CDKL5: variants seen among roughly 807,000 people sequenced by gnomAD.
CDKL5 encodes the protein cyclin-dependent kinase-like 5.
In CDKL5, 8 loss-of-function variants were observed where a neutral mutation model predicts 61.7. That is an observed-to-expected ratio of 0.13 (90% CI 0.08 to 0.23). The LOEUF (loss-of-function observed/expected upper bound fraction) is 0.23. CDKL5 is among the 10% of genes least tolerant of loss of function. The pLI is 1.00. For synonymous variants in CDKL5, 275 were observed against 272.3 expected, an observed-to-expected ratio of 1.01 and a Z score of -0.10; for missense variants, 440 against 734.5, an observed-to-expected ratio of 0.60 and a Z score of 4.63.
At chrX:18,534,582 C>T (rs956897752) in intron 3 of CDKL5, among the ~76,000 whole-genome samples, 8 of 111,763 alleles carry the variant, frequency 7.2e-5, no homozygotes, top group African/African-American at 2.6e-4. Flanking sequence ...GTACCTGGCA[C>T]CTAGGAGGCT....
At chrX:18,504,929 T>C (rs1489327803) in intron 1 of CDKL5, among the ~76,000 whole-genome samples, 1 of 97,050 alleles carries the variant, frequency 1.0e-5, no homozygotes, top group African/African-American at 3.9e-5. Context: ...CGAAACTCCG[T>C]CTCAAAAAAA....
chrX:18,443,263 G>A lies in CDKL5; in HGVS notation c.-163+17568G>A, dbSNP rs781694040. Among the ~76,000 whole-genome samples, 5 of 112,100 alleles carry A rather than the reference G, an allele frequency of 4.5e-5. No homozygotes were observed. The East Asian group carries it at 1.4e-3, about 31-fold the overall frequency. On this transcript the variant is annotated intron_variant, in intron 1 of 17. Transcript: ENST00000623535. Reference sequence around the variant, plus strand: ...TGTACTTCACTTTTTCCCTTGAATGGTTGTTGAGCTGGGTCCAGAATTTTG... The same window carrying A: ...TGTACTTCACTTTTTCCCTTGAATGATTGTTGAGCTGGGTCCAGAATTTTG...
At chrX:18,454,849 T>C (rs1210414365) in intron 1 of CDKL5, among the ~76,000 whole-genome samples, 1 of 109,387 alleles carries the variant, frequency 9.1e-6, no homozygotes, top group Non-Finnish European at 1.9e-5. Flanking sequence ...TGCATGGAAA[T>C]GATATAATAT....
Position 18,633,092 on chromosome X carries a change from C to T in CDKL5, c.*4335C>T, listed in dbSNP as rs146748473. 68 of 752,430 alleles carry T rather than the reference C, an allele frequency of 9.0e-5. No homozygotes were observed. The African/African-American group carries it at 1.4e-3, about 16-fold the overall frequency. The allele number at this position is 752,430 out of a possible 1,213,427, so 62.0% of individuals were successfully genotyped here. On this transcript the variant is annotated 3_prime_UTR_variant, in exon 18 of 18. Transcript: ENST00000623535. ...TCAGCTGGGACTCAGTAAATCTGCA[C>T]GTTCTCTGCTGGTCAGAACATGTTT...
At chrX:18,499,733 T>C (rs1922317185) in intron 1 of CDKL5, among the ~76,000 whole-genome samples, 1 of 112,302 alleles carries the variant, frequency 8.9e-6, no homozygotes, top group South Asian at 3.6e-4. Context: ...ATTTATAGGC[T>C]ATCCCTGACC....
chrX:18,614,171 C>G (rs1031035547), intron 15 of CDKL5, among the ~76,000 whole-genome samples: 13 of 111,904 alleles, frequency 1.2e-4, no homozygotes, highest in Non-Finnish European at 2.3e-4. Context: ...TATGTCAGTA[C>G]TCCTGACTCC....
rs148302590 is a variant in CDKL5, at chrX:18,604,040, T to A, written c.1116T>A (p.Ala372=). 4 of 1,209,598 alleles carry A rather than the reference T, an allele frequency of 3.3e-6. No individual in the cohort carries two copies. The African/African-American group carries it at 7.0e-5, about 21-fold the overall frequency. The part of the protein sequence containing the change: ...ANESFLNGNL[A]GASLSPLHTK... Reference sequence around the variant, plus strand: ...AAAGCTTCCTAAATGGAAACCTTGCTGGAGCTAGTCTTAGTCCACTGCACA... The same window carrying A: ...AAAGCTTCCTAAATGGAAACCTTGCAGGAGCTAGTCTTAGTCCACTGCACA... The change falls in exon 12 of 18, where the codon GCT becomes GCA. Residue 372 remains alanine (A), a synonymous_variant. Coordinates refer to ENST00000623535, the MANE Select transcript of CDKL5 (RefSeq NM_001323289.2).
chrX:18,574,371 G>T (rs959332268), intron 4 of CDKL5, among the ~76,000 whole-genome samples: 4 of 111,508 alleles, frequency 3.6e-5, no homozygotes, highest in African/African-American at 1.3e-4. Context: ...CCCAAACTTA[G>T]AAAAAGCTTT....
intron 14 of CDKL5, 97 bp downstream of exon 14, chrX:18,609,667 C>T: frequency 2.6e-6 from 3 of 1,146,934 alleles, no homozygotes; most frequent in Non-Finnish European, 3.5e-6. Context: ...GGCCTTCTCA[C>T]CTACACTGTC....
intron 1 of CDKL5, among the ~76,000 whole-genome samples, chrX:18,481,715 G>T (rs1446810252): frequency 9.1e-6 from 1 of 109,657 alleles, no homozygotes; most frequent in Non-Finnish European, 1.9e-5. Context: ...TAGGTGCTAG[G>T]TGGGTGCTAA....
chrX:18,498,190 A>C (rs1411927885), intron 1 of CDKL5, among the ~76,000 whole-genome samples: 1 of 111,155 alleles, frequency 9.0e-6, no homozygotes, highest in African/African-American at 3.3e-5. Context: ...TTTTTACAAT[A>C]AACACTTCCT....
intron 20 of CDKL5, among the ~76,000 whole-genome samples, chrX:18,648,957 A>G (rs1307009883): frequency 1.9e-5 from 2 of 104,712 alleles, no homozygotes; most frequent in East Asian, 3.2e-4. Context: ...CTGAGGGAGG[A>G]GGATTGCTTG....
chrX:18,541,662 T>C (rs1389420308), intron 3 of CDKL5, among the ~76,000 whole-genome samples: 1 of 110,613 alleles, frequency 9.0e-6, no homozygotes, highest in African/African-American at 3.3e-5. Context: ...TCCCAAGTAG[T>C]TGGGACCACA....
intron 14 of CDKL5, among the ~76,000 whole-genome samples, chrX:18,611,664 C>T (rs1479043509): frequency 1.8e-5 from 2 of 110,517 alleles, no homozygotes; most frequent in Non-Finnish European, 3.8e-5. Flanking sequence ...TCTGGAAACA[C>T]GGTTTTATTT....
rs186787140 is a variant in CDKL5, at chrX:18,499,183, G to T, written c.-162-7752G>T. Among the ~76,000 whole-genome samples the T allele has an allele frequency of 4.4e-3, 490 of 111,463 alleles. 2 individuals are homozygous for T. In the Middle Eastern group the frequency reaches 0.047, roughly 11 times the overall value. On this transcript the variant is annotated intron_variant, in intron 1 of 17. Transcript: ENST00000623535. ...TATTTTGCAGTTCTTTGCTATAGTT[G>T]ATATGTTCATTTGGTCAAATTTTAA... is the stretch of plus-strand genomic sequence containing the variant.
At chrX:18,427,251 C>T (rs1477300254) in intron 1 of CDKL5, among the ~76,000 whole-genome samples, 1 of 105,965 alleles carries the variant, frequency 9.4e-6, no homozygotes, top group East Asian at 2.9e-4. Context: ...AGTTTGACAC[C>T]ACCAGTAGGT....
At chrX:18,496,861 G>A (rs1270724970) in intron 1 of CDKL5, among the ~76,000 whole-genome samples, 1 of 110,709 alleles carries the variant, frequency 9.0e-6, no homozygotes, top group Non-Finnish European at 1.9e-5. Flanking sequence ...TCTTAGGATC[G>A]CCATCCAAAA....
At chrX:18,453,447 A>T (rs1419264013) in intron 1 of CDKL5, among the ~76,000 whole-genome samples, 1 of 111,345 alleles carries the variant, frequency 9.0e-6, no homozygotes, top group Non-Finnish European at 1.9e-5. Context: ...TAATCTCTGG[A>T]CATAAAGTTT....
intron 3 of CDKL5, among the ~76,000 whole-genome samples, chrX:18,553,736 C>G (rs1924491352): frequency 9.0e-6 from 1 of 111,711 alleles, no homozygotes; most frequent in Admixed American, 9.5e-5. Context: ...CTCAAGTGAT[C>G]CGCCTGGAAG....
Sources: gnomAD v4.1 joint callset for allele counts (sites outside exome capture counted in the v4.1 genomes callset) on GRCh38, gnomAD v4.1.1 for gene constraint, MANE v1.5 for transcripts, NCBI Gene and HGNC (gene_info 2026-07-23, HGNC 2026-07-21) for gene names.